The following ADGRF3 variants were observed in gnomAD, a reference collection of about 807,000 sequenced individuals.
The protein encoded by ADGRF3 is adhesion G protein-coupled receptor F3.
A neutral mutation model predicts 93.2 loss-of-function variants in ADGRF3; 85 were observed. The observed-to-expected ratio is 0.91, with a 90% confidence interval of 0.77 to 1.09. ADGRF3 has a LOEUF of 1.09. ADGRF3 is among the 50% of genes least tolerant of loss of function. ADGRF3 has a pLI of 0.00. For synonymous variants in ADGRF3, 534 were observed against 532.5 expected, an observed-to-expected ratio of 1.00 and a Z score of -0.04; for missense variants, 1,125 against 1,246.2, an observed-to-expected ratio of 0.90 and a Z score of 1.46.
intron 1 of ADGRF3, among the ~76,000 whole-genome samples, chr2:26,326,545 T>C (rs1023728111): frequency 1.3e-5 from 2 of 152,142 alleles, no homozygotes; most frequent in African/African-American, 4.8e-5. Context: ...ACTGAAAAAC[T>C]TCATTTAATG....
intron 1 of ADGRF3, among the ~76,000 whole-genome samples, chr2:26,343,213 C>T (rs887446997): frequency 2.0e-5 from 3 of 151,932 alleles, no homozygotes; most frequent in African/African-American, 7.3e-5. Context: ...CCCTCATTGA[C>T]GGAAACATGG....
At chr2:26,334,721 C>A (rs150916059) in intron 1 of ADGRF3, among the ~76,000 whole-genome samples, 1 of 152,196 alleles carries the variant, frequency 6.6e-6, no homozygotes, top group African/African-American at 2.4e-5. Context: ...TCCTCTCCTA[C>A]TTCATATTAT....
At chr2:26,318,919 T>G in intron 1 of ADGRF3, 1 of 1,551,544 alleles carries the variant, frequency 6.4e-7, no homozygotes, top group Non-Finnish European at 8.7e-7. Context: ...GGGTCCCCAT[T>G]GTCGCCTCTG....
chr2:26,335,401 A>G (rs112995442), intron 1 of ADGRF3, among the ~76,000 whole-genome samples: 5,275 of 152,242 alleles, frequency 0.035, 273 homozygotes, highest in African/African-American at 0.11. Flanking sequence ...TTGCATGGAC[A>G]CACACATTTT....
chr2:26,309,731 C>T, intron 12 of ADGRF3, 150 bp from the exon 13 acceptor site: 2 of 1,190,714 alleles, frequency 1.7e-6, no homozygotes, highest in Non-Finnish European at 2.4e-6. Flanking sequence ...ACAGTAACTC[C>T]CATGAGTACT....
At chr2:26,331,686 T>C (rs142475784) in intron 1 of ADGRF3, among the ~76,000 whole-genome samples, 1 of 152,270 alleles carries the variant, frequency 6.6e-6, no homozygotes, top group Non-Finnish European at 1.5e-5. Context: ...GCTATGATTG[T>C]GCGCTGTACT....
intron 1 of ADGRF3, chr2:26,345,806 A>G (rs1455020663): frequency 2.6e-6 from 1 of 390,752 alleles, no homozygotes; most frequent in East Asian, 5.3e-5. Flanking sequence ...ATACCACAGA[A>G]ATCCCACCTT....
chr2:26,321,382 A>G (rs572737904), intron 1 of ADGRF3, among the ~76,000 whole-genome samples: 2 of 152,294 alleles, frequency 1.3e-5, no homozygotes, highest in Admixed American at 1.3e-4. Flanking sequence ...AGCTATAGGC[A>G]GTCTCAGATG....
rs1334607610 is a variant in ADGRF3, at chr2:26,317,001, G to C, written c.236C>G (p.Pro79Arg). Residue 79 changes from proline to arginine, a missense_variant, in exon 3 of 14, where the codon CCC becomes CGC. Physicochemically the swap from Pro to Arg is moderately radical, Grantham distance 103. Transcript: ENST00000651242. ...VHLDFPDKTW[P>R]PELSRTLTLP... ...AGTCAGTGTCCTGGAGAGTTCAGGG[G>C]GCCAGGTCTTATCTGGAAAGTCCAG... 6.2e-7 allele frequency: 1 copy of C among 1,613,166 alleles called. No homozygotes were observed. The highest frequency in any genetic ancestry group is 8.5e-7 in the Non-Finnish European group (1 of 1,179,560).
At chr2:26,313,303 T>A in intron 8 of ADGRF3, 74 bp downstream of exon 8, 1 of 1,445,260 alleles carries the variant, frequency 6.9e-7, no homozygotes, top group Non-Finnish European at 9.3e-7. Flanking sequence ...GGGAAAAGGG[T>A]CTGCAAGCTG....
intron 8 of ADGRF3, 72 bp downstream of exon 8, chr2:26,313,305 T>C: frequency 6.9e-7 from 1 of 1,454,276 alleles, no homozygotes; most frequent in Non-Finnish European, 9.2e-7. Flanking sequence ...GAAAAGGGTC[T>C]GCAAGCTGGG....
At chr2:26,342,090 CT>C (rs1436217765) in intron 1 of ADGRF3, among the ~76,000 whole-genome samples, 1 of 150,142 alleles carries the variant, frequency 6.7e-6, no homozygotes, top group Non-Finnish European at 1.5e-5. Context: ...AAACAACTGA[CT>C]TGTGATTTTT....
At chr2:26,327,864 T>C (rs1346264549) in intron 1 of ADGRF3, among the ~76,000 whole-genome samples, 1 of 152,020 alleles carries the variant, frequency 6.6e-6, no homozygotes, top group Admixed American at 6.6e-5. Context: ...CACTCTGTGG[T>C]ATTCTGTTAT....
At chr2:26,330,207 GGC>G (rs1174152121) in intron 1 of ADGRF3, among the ~76,000 whole-genome samples, 1 of 152,156 alleles carries the variant, frequency 6.6e-6, no homozygotes, top group Non-Finnish European at 1.5e-5. Context: ...GCCACCCAGT[GGC>G]CGGCCCGGGA....
chr2:26,344,635 T>C (rs1479464935), intron 1 of ADGRF3, among the ~76,000 whole-genome samples: 26 of 152,212 alleles, frequency 1.7e-4, no homozygotes, highest in Admixed American at 1.7e-3. Flanking sequence ...TAAAGGACAC[T>C]GAAGTTTATT....
chr2:26,321,633 C>T (rs1002974665), intron 1 of ADGRF3, among the ~76,000 whole-genome samples: 2 of 152,084 alleles, frequency 1.3e-5, no homozygotes, highest in Non-Finnish European at 2.9e-5. Flanking sequence ...GCTGTTCATC[C>T]ATCAGCATGA....
chr2:26,318,198 G>A (rs1674875169), intron 1 of ADGRF3: 3 of 945,878 alleles, frequency 3.2e-6, no homozygotes, highest in South Asian at 3.5e-5. Flanking sequence ...AATATGGAGG[G>A]GCTCACTGTG....
Position 26,313,460 on chromosome 2 carries a change from G to A in ADGRF3, c.1186C>T (p.Leu396Phe). Reference sequence around the variant, plus strand: ...CCCCAGACTCCGTCAGCCCCACAGAGCCTCCTCACTATGCCCCTCTTGCTC... The same window carrying A: ...CCCCAGACTCCGTCAGCCCCACAGAACCTCCTCACTATGCCCCTCTTGCTC... Reference protein sequence around the residue: ...PESKRGIVRRLCGADGVWGPV... With the variant: ...PESKRGIVRRFCGADGVWGPV... Residue 396 changes from leucine (L) to phenylalanine (F), a missense_variant, in exon 8 of 14, where the codon CTC becomes TTC. By Grantham distance (22) the Leu-to-Phe change is conservative. Transcript: ENST00000651242. 1 of 1,611,028 alleles carries A rather than the reference G, an allele frequency of 6.2e-7. No homozygotes were observed. The highest frequency in any genetic ancestry group is 1.1e-5 in the South Asian group (1 of 90,316).
Position 26,313,513 on chromosome 2 carries a change from C to T in ADGRF3, c.1133G>A (p.Gly378Asp). The T allele has an allele frequency of 1.2e-6, 2 of 1,611,742 alleles. No homozygotes were observed. Among genetic ancestry groups the T allele is most frequent in the East Asian group, 2.2e-5 (1 of 44,834 alleles). The change falls in exon 8 of 14, where the codon GGC (glycine) becomes GAC (aspartate). Residue 378 changes from glycine to aspartate, a missense_variant. Gly to Asp is a moderately conservative substitution (Grantham distance 94, BLOSUM62 -1). Coordinates refer to ENST00000651242, the MANE Select transcript of ADGRF3 (RefSeq NM_001321971.2). Reference sequence around the variant, plus strand: ...AGGACATGGGGCCTGTGCCACGTGGCCAGCCTTGGTGACATTCCAGGTGAG... The same window carrying T: ...AGGACATGGGGCCTGTGCCACGTGGTCAGCCTTGGTGACATTCCAGGTGAG... ...SVLTWNVTKA[G>D]HVAQAPCPES... is the part of the protein sequence containing the mutation.
Sources: allele counts gnomAD v4.1 joint callset (sites outside exome capture counted in the v4.1 genomes callset), GRCh38; gene constraint gnomAD v4.1.1; transcripts MANE v1.5; gene names NCBI Gene and HGNC (gene_info 2026-07-23, HGNC 2026-07-21).